Variants in FHIT observed in about 807,000 individuals in gnomAD.
FHIT encodes the protein bis(5'-adenosyl)-triphosphatase.
A neutral mutation model predicts 17.9 loss-of-function variants in FHIT; 19 were observed. That is an observed-to-expected ratio of 1.06 (90% confidence interval 0.74 to 1.56). FHIT has a LOEUF of 1.56. FHIT is among the 40% of genes most tolerant of loss of function. The pLI, the probability that FHIT is intolerant of heterozygous loss-of-function variation, is 0.00. For missense variants in FHIT, 248 were observed against 189.2 expected (o/e 1.31, Z -1.82); for synonymous variants, 81 against 69.7 (o/e 1.16, Z -0.81).
intron 5 of FHIT, among the ~76,000 whole-genome samples, chr3:60,462,835 ACTTTTCTG>A (rs1218064307): frequency 6.6e-6 from 1 of 151,956 alleles, no homozygotes; most frequent in African/African-American, 2.4e-5. Flanking sequence ...AGTCCAAAAG[ACTTTTCTG>A]GCTGTATCTA....
chr3:60,119,580 T>C (rs1016099163), intron 5 of FHIT, among the ~76,000 whole-genome samples: 3 of 152,182 alleles, frequency 2.0e-5, no homozygotes, highest in Admixed American at 6.5e-5. Flanking sequence ...CAAGGTTTTC[T>C]ATGAATTAAT....
In FHIT at chr3:60,865,526, T is replaced by G. The variant is rs529067028; in HGVS notation, c.-110-43515A>C. On this transcript the variant is annotated intron_variant, in intron 3 of 9. Transcript: ENST00000492590. ...TTATGTAATTAAATTCAGACTTACTTATAAGAGTCTGAATTTTCATTTTAA... is the reference window on the plus strand; with the variant it reads ...TTATGTAATTAAATTCAGACTTACTGATAAGAGTCTGAATTTTCATTTTAA... Among the ~76,000 whole-genome samples, 13 of 152,310 alleles carry G rather than the reference T, an allele frequency of 8.5e-5. No homozygotes were observed. In the South Asian group the frequency reaches 2.1e-3, roughly 24 times the overall value.
intron 5 of FHIT, among the ~76,000 whole-genome samples, chr3:60,098,407 T>G (rs1272782396): frequency 6.6e-6 from 1 of 151,188 alleles, no homozygotes; most frequent in Non-Finnish European, 1.5e-5. Context: ...TGATTGCCAT[T>G]CTAACTGGTG....
intron 3 of FHIT, among the ~76,000 whole-genome samples, chr3:60,968,264 G>C (rs986377048): frequency 1.3e-5 from 2 of 152,152 alleles, no homozygotes; most frequent in South Asian, 4.1e-4. Flanking sequence ...CTTGTGGCTT[G>C]TTAAAAACAC....
intron 7 of FHIT, among the ~76,000 whole-genome samples, chr3:59,960,420 G>C (rs758703782): frequency 2.0e-5 from 3 of 152,194 alleles, no homozygotes; most frequent in African/African-American, 7.2e-5. Flanking sequence ...TGACCAGATA[G>C]ATGTTGCTAC....
rs550252439 is a variant in FHIT, at chr3:60,997,353, CTCTT to C, written c.-111+44690_-111+44693del. The stretch of plus-strand genomic sequence containing the variant: ...ACCTGGTTTGTGTTTGTCTGTCTGT[CTCTT>C]TCTTTTCTTCTTTTTAGTAGGTGTC... On this transcript the variant is annotated intron_variant, in intron 3 of 9. Transcript: ENST00000492590. Among the ~76,000 whole-genome samples the C allele has an allele frequency of 2.6e-3, 394 of 152,202 alleles. 2 individuals carry two copies. The highest frequency in any genetic ancestry group is 0.024 in the Middle Eastern group (7 of 294).
At position 60,024,291 on chromosome 3, in the gene FHIT, C is replaced by T. The variant is rs536489395; in HGVS notation, c.104-10139G>A. 5.3e-5 allele frequency among the ~76,000 whole-genome samples: 8 copies of T among 152,254 alleles called. No individual in the cohort carries two copies. The East Asian group carries it at 1.4e-3, about 26-fold the overall frequency. On this transcript the variant is annotated intron_variant, in intron 5 of 9. Transcript: ENST00000492590. The stretch of plus-strand genomic sequence containing the variant: ...ACTTAACACTAATTTGGCATTCTCA[C>T]AGAATATGAATCAACGTCTTTCTCT...
chr3:60,691,000 T>C (rs1553699466), intron 4 of FHIT, among the ~76,000 whole-genome samples: 1 of 152,154 alleles, frequency 6.6e-6, no homozygotes, highest in Non-Finnish European at 1.5e-5. Context: ...CTGTTTTGTT[T>C]GCCTGTGTGT....
At chr3:60,853,389 T>A (rs1703232682) in intron 3 of FHIT, among the ~76,000 whole-genome samples, 1 of 152,132 alleles carries the variant, frequency 6.6e-6, no homozygotes, top group South Asian at 2.1e-4. Flanking sequence ...CATCCAACAG[T>A]TGGAATTGTG....
chr3:60,191,409 C>A (rs1316185313), intron 5 of FHIT, among the ~76,000 whole-genome samples: 1 of 152,176 alleles, frequency 6.6e-6, no homozygotes, highest in Non-Finnish European at 1.5e-5. Context: ...ACTCAAAAAT[C>A]TCTCTAACTA....
At position 60,529,700 on chromosome 3, in the gene FHIT, A is replaced by G. The variant is rs148377497; in HGVS notation, c.103+7160T>C. On this transcript the variant is annotated intron_variant, in intron 5 of 9. Transcript: ENST00000492590. ...GAACAGAGTTCAGTGATTGTTAACC[A>G]TGACAGTTTAAAACTACTTGAAAAA... 4.2e-3 allele frequency among the ~76,000 whole-genome samples: 639 copies of G among 152,324 alleles called. 6 individuals carry two copies. Among genetic ancestry groups the G allele is most frequent in the African/African-American group, 0.014 (589 of 41,570 alleles).
At chr3:61,050,939 A>G (rs2034001802) in intron 2 of FHIT, among the ~76,000 whole-genome samples, 1 of 152,138 alleles carries the variant, frequency 6.6e-6, no homozygotes, top group South Asian at 2.1e-4. Context: ...CTCCAATACT[A>G]TTCCTTGGAT....
chr3:60,775,186 C>T (rs928735375), intron 4 of FHIT, among the ~76,000 whole-genome samples: 18 of 152,016 alleles, frequency 1.2e-4, no homozygotes, highest in Non-Finnish European at 1.9e-4. Context: ...GTTTAAATGC[C>T]CCTGATAGAG....
intron 8 of FHIT, among the ~76,000 whole-genome samples, chr3:59,799,451 A>T (rs1339796990): frequency 6.6e-6 from 1 of 152,136 alleles, no homozygotes; most frequent in Admixed American, 6.5e-5. Context: ...CCTAACAGGG[A>T]TGGAAGAAAT....
chr3:60,554,982 C>G (rs1181461978), intron 4 of FHIT, among the ~76,000 whole-genome samples: 1 of 150,812 alleles, frequency 6.6e-6, no homozygotes, highest in Non-Finnish European at 1.5e-5. Context: ...CTACCATATT[C>G]TTCTAATATC....
At chr3:61,019,802 T>C (rs899859163) in intron 3 of FHIT, among the ~76,000 whole-genome samples, 1 of 152,210 alleles carries the variant, frequency 6.6e-6, no homozygotes, top group Admixed American at 6.5e-5. Flanking sequence ...TCAGACTACC[T>C]AGTCTCCAGG....
intron 8 of FHIT, among the ~76,000 whole-genome samples, chr3:59,827,091 C>A (rs1701004324): frequency 6.6e-6 from 1 of 152,164 alleles, no homozygotes; most frequent in East Asian, 1.9e-4. Context: ...AGCTTTTGAG[C>A]CTGACTTCAT....
intron 4 of FHIT, among the ~76,000 whole-genome samples, chr3:60,585,571 A>G (rs1197496835): frequency 1.3e-5 from 2 of 152,080 alleles, no homozygotes; most frequent in Non-Finnish European, 2.9e-5. Flanking sequence ...AGAAAGACCT[A>G]TCAATACTGA....
chr3:60,552,253 T>C (rs2036586043), intron 4 of FHIT, among the ~76,000 whole-genome samples: 1 of 152,010 alleles, frequency 6.6e-6, no homozygotes, highest in Non-Finnish European at 1.5e-5. Flanking sequence ...CATTTGTTAC[T>C]ACATTTTTGG....
Sources: allele counts gnomAD v4.1 joint callset (sites outside exome capture counted in the v4.1 genomes callset), GRCh38; gene constraint gnomAD v4.1.1; transcripts MANE v1.5; gene names NCBI Gene and HGNC (gene_info 2026-07-23, HGNC 2026-07-21).